Variants in C8orf34 observed in about 807,000 individuals in gnomAD.
C8orf34 encodes uncharacterized protein C8orf34.
In C8orf34, 65 loss-of-function variants were observed where a neutral mutation model predicts 68.3. The observed-to-expected ratio is 0.95, with a 90% CI of 0.78 to 1.17. The LOEUF is 1.17. Among genes scored for constraint, C8orf34 ranks in the 50% most tolerant of loss-of-function variants. The pLI, the probability that C8orf34 is intolerant of heterozygous loss-of-function variation, is 0.00. For missense variants in C8orf34, 664 were observed against 655.4 expected (o/e 1.01, Z -0.14); for synonymous variants, 244 against 241.2 (o/e 1.01, Z -0.11).
intron 3 of C8orf34, among the ~76,000 whole-genome samples, chr8:68,465,372 C>A (rs920386279): frequency 3.4e-4 from 51 of 148,504 alleles, no homozygotes; most frequent in African/African-American, 1.1e-3. Context: ...ACTAGTTCAA[C>A]CATTGTGGAA....
At chr8:68,392,504 A>G (rs1432200222) in intron 1 of C8orf34, among the ~76,000 whole-genome samples, 2 of 151,646 alleles carry the variant, frequency 1.3e-5, no homozygotes, top group Non-Finnish European at 1.5e-5. Flanking sequence ...TAACTTTTTT[A>G]TATTTTCTCA....
At chr8:68,687,120 A>C (rs1260584262) in intron 8 of C8orf34, among the ~76,000 whole-genome samples, 1 of 152,146 alleles carries the variant, frequency 6.6e-6, no homozygotes, top group Non-Finnish European at 1.5e-5. Context: ...ATATGATGAC[A>C]CTAATAAATG....
chr8:68,802,723 C>T (rs1824369239), intron 12 of C8orf34, among the ~76,000 whole-genome samples: 2 of 152,102 alleles, frequency 1.3e-5, no homozygotes, highest in African/African-American at 2.4e-5. Context: ...GTCTCAAACT[C>T]ATGAGCTCAA....
intron 1 of C8orf34, among the ~76,000 whole-genome samples, chr8:68,337,130 T>C (rs1010893107): frequency 4.3e-4 from 66 of 152,096 alleles, no homozygotes; most frequent in African/African-American, 1.6e-3. Context: ...CTAAAATTAA[T>C]GGGTAAAAGT....
intron 1 of C8orf34, among the ~76,000 whole-genome samples, chr8:68,409,113 G>A (rs553769191): frequency 6.6e-6 from 1 of 152,144 alleles, no homozygotes; most frequent in Non-Finnish European, 1.5e-5. Context: ...TAAAAGTATA[G>A]CACATACCAT....
chr8:68,577,203 G>T (rs1816930905), intron 7 of C8orf34, among the ~76,000 whole-genome samples: 1 of 151,916 alleles, frequency 6.6e-6, no homozygotes, highest in Admixed American at 6.6e-5. Flanking sequence ...AAGAAATACA[G>T]ACTCTCGAGC....
At chr8:68,661,987 A>T (rs922152874) in intron 8 of C8orf34, among the ~76,000 whole-genome samples, 28 of 152,176 alleles carry the variant, frequency 1.8e-4, no homozygotes, top group Non-Finnish European at 3.7e-4. Context: ...ACAGTGAAAG[A>T]TTAACAGGAG....
intron 10 of C8orf34, among the ~76,000 whole-genome samples, chr8:68,741,662 T>G (rs1822298570): frequency 1.3e-5 from 2 of 152,252 alleles, no homozygotes; most frequent in Admixed American, 6.5e-5. Flanking sequence ...TCAACTCTTT[T>G]ATCTCCATGG....
At chr8:68,722,858 T>C (rs981155813) in intron 10 of C8orf34, among the ~76,000 whole-genome samples, 15 of 152,074 alleles carry the variant, frequency 9.9e-5, no homozygotes, top group African/African-American at 3.6e-4. Context: ...AAAACTATTA[T>C]ATTTTCCTTT....
intron 1 of C8orf34, among the ~76,000 whole-genome samples, chr8:68,406,558 G>A (rs1040856194): frequency 3.3e-5 from 5 of 151,964 alleles, no homozygotes; most frequent in Admixed American, 6.6e-5. Context: ...GTGCAGTGGC[G>A]TGATCTCAGC....
rs1812559172 is a variant in C8orf34 at position 68,475,281 on chromosome 8, C to T, written c.736+6461C>T. 2.6e-5 allele frequency among the ~76,000 whole-genome samples: 4 copies of T among 152,206 alleles called. No homozygotes were observed. The South Asian group carries it at 6.2e-4, about 24-fold the overall frequency. On this transcript the variant is annotated intron_variant, in intron 4 of 13. Coordinates refer to ENST00000518698, the MANE Select transcript of C8orf34 (RefSeq NM_052958.4). The stretch of plus-strand genomic sequence containing the variant: ...CTTCTGGGGTAGATTTGCATCCCCT[C>T]TCTTTGTGCTTCTATACTTTTCTCT...
chr8:68,568,910 A>C (rs553730842), intron 7 of C8orf34, among the ~76,000 whole-genome samples: 1,094 of 91,826 alleles, frequency 0.012, 17 homozygotes, highest in African/African-American at 0.094. Context: ...CTGCCATCGT[A>C]AACTTGAAAT....
intron 7 of C8orf34, among the ~76,000 whole-genome samples, chr8:68,613,277 T>G (rs941641172): frequency 1.3e-5 from 2 of 152,054 alleles, no homozygotes; most frequent in Non-Finnish European, 2.9e-5. Context: ...TATCTTTTAT[T>G]TTATGCCTTT....
At chr8:68,589,520 G>C (rs115448197) in intron 7 of C8orf34, among the ~76,000 whole-genome samples, 1 of 27,692 alleles carries the variant, frequency 3.6e-5, no homozygotes, top group Non-Finnish European at 8.0e-5. Flanking sequence ...AGAGAGAAAG[G>C]GAGAGAGAGA....
At chr8:68,336,424 A>G (rs1477654051) in intron 1 of C8orf34, among the ~76,000 whole-genome samples, 4 of 152,326 alleles carry the variant, frequency 2.6e-5, no homozygotes, top group African/African-American at 9.6e-5. Flanking sequence ...GAAAAAATAT[A>G]TATTCAAGTC....
intron 1 of C8orf34, among the ~76,000 whole-genome samples, chr8:68,343,786 G>T (rs1232591341): frequency 6.6e-6 from 1 of 152,140 alleles, no homozygotes; most frequent in East Asian, 1.9e-4. Context: ...TAGAGACAGG[G>T]TTTCACCATG....
At chr8:68,442,392 C>T (rs992704665) in intron 2 of C8orf34, among the ~76,000 whole-genome samples, 11 of 152,006 alleles carry the variant, frequency 7.2e-5, no homozygotes, top group Admixed American at 7.2e-4. Context: ...TCTAGCAGTT[C>T]CCAGAAGTTC....
chr8:68,470,488 A>C (rs1398288562), intron 4 of C8orf34, among the ~76,000 whole-genome samples: 1 of 152,108 alleles, frequency 6.6e-6, no homozygotes, highest in Non-Finnish European at 1.5e-5. Context: ...CATTTCAATT[A>C]TGTAGTTGCC....
intron 7 of C8orf34, among the ~76,000 whole-genome samples, chr8:68,564,968 G>A (rs937629604): frequency 2.0e-5 from 3 of 152,184 alleles, no homozygotes; most frequent in Admixed American, 2.0e-4. Flanking sequence ...GCTGGGTTGA[G>A]AATAGGGTGC....
Sources: allele counts gnomAD v4.1 joint callset (sites outside exome capture counted in the v4.1 genomes callset), GRCh38; gene constraint gnomAD v4.1.1; transcripts MANE v1.5; gene names NCBI Gene and HGNC (gene_info 2026-07-23, HGNC 2026-07-21).